MAL2: variants seen among roughly 807,000 people sequenced by gnomAD.
The protein encoded by MAL2 is mal, T cell differentiation protein 2.
In MAL2, 17 loss-of-function variants were observed where a neutral mutation model predicts 18.1. The ratio of observed to expected loss-of-function variants is 0.94; its 90% CI spans 0.64 to 1.41. The LOEUF (loss-of-function observed/expected upper bound fraction) is 1.41. Ranked by LOEUF, MAL2 falls within the 40% of genes most tolerant of loss-of-function variation. The pLI is 0.00. For synonymous variants in MAL2, 102 were observed against 102.3 expected, an observed-to-expected ratio of 1.00 and a Z score of 0.02; for missense variants, 222 against 231.9, an observed-to-expected ratio of 0.96 and a Z score of 0.28.
Position 119,214,733 on chromosome 8 carries a change from A to C in MAL2, c.132+6129A>C, listed in dbSNP as rs1013057657. Reference sequence around the variant, plus strand: ...GGGGAGGAAGAAAGTATAACTCTCTATAGCACTCTCAGACATATTTTTAAA... The same window carrying C: ...GGGGAGGAAGAAAGTATAACTCTCTCTAGCACTCTCAGACATATTTTTAAA... On this transcript the variant is annotated intron_variant, in intron 1 of 3. Transcript: ENST00000614891. 2.0e-5 allele frequency among the ~76,000 whole-genome samples: 3 copies of C among 152,228 alleles called. 1 individual carries two copies. The highest frequency in any genetic ancestry group is 4.8e-5 in the African/African-American group (2 of 41,458).
intron 1 of MAL2, chr8:119,220,961 G>A (rs1216038235): frequency 1.3e-5 from 2 of 152,236 alleles, no homozygotes; most frequent in African/African-American, 4.8e-5. Flanking sequence ...ACCTGGCATA[G>A]TGCCTGAAAT....
At chr8:119,232,976 T>A in intron 2 of MAL2, among the ~76,000 whole-genome samples, 1 of 147,688 alleles carries the variant, frequency 6.8e-6, no homozygotes, top group East Asian at 2.0e-4. Context: ...TTTCTGATCT[T>A]TTACATTTGC....
chr8:119,242,692 G>A (rs1376347678), intron 3 of MAL2, among the ~76,000 whole-genome samples: 1 of 152,082 alleles, frequency 6.6e-6, no homozygotes. Context: ...CCCAGAACTG[G>A]TTTCCTGGTT....
intron 2 of MAL2, among the ~76,000 whole-genome samples, chr8:119,230,597 G>A (rs1289210371): frequency 6.6e-6 from 1 of 152,162 alleles, no homozygotes; most frequent in Non-Finnish European, 1.5e-5. Context: ...GTATGTAATG[G>A]TAGAGAAATT....
intron 2 of MAL2, among the ~76,000 whole-genome samples, chr8:119,234,856 G>A (rs1817840569): frequency 6.6e-6 from 1 of 151,586 alleles, no homozygotes; most frequent in South Asian, 2.1e-4. Flanking sequence ...ACAAAGATGG[G>A]GAAAAAACAG....
chr8:119,237,780 G>C (rs1391144353), intron 2 of MAL2, among the ~76,000 whole-genome samples: 1 of 151,672 alleles, frequency 6.6e-6, no homozygotes, highest in African/African-American at 2.4e-5. Flanking sequence ...GTACTGATGG[G>C]ACGTATTTCA....
intron 3 of MAL2, 26 bp downstream of exon 3, chr8:119,240,346 C>T (rs781280399): frequency 3.1e-6 from 5 of 1,604,920 alleles, no homozygotes; most frequent in Non-Finnish European, 4.3e-6. Context: ...CAATGAGTAC[C>T]ATTCACCAGC....
intron 2 of MAL2, among the ~76,000 whole-genome samples, chr8:119,235,599 C>G: frequency 6.6e-6 from 1 of 152,050 alleles, no homozygotes; most frequent in Non-Finnish European, 1.5e-5. Context: ...CAGCGGGTCT[C>G]TTGGCAGAAA....
At chr8:119,234,572 G>A (rs1817830988) in intron 2 of MAL2, among the ~76,000 whole-genome samples, 1 of 152,104 alleles carries the variant, frequency 6.6e-6, no homozygotes, top group Non-Finnish European at 1.5e-5. Flanking sequence ...TGACAGCTTT[G>A]AAGAGAGCAG....
At chr8:119,232,731 TAAA>T (rs1817759721) in intron 2 of MAL2, among the ~76,000 whole-genome samples, 1 of 152,218 alleles carries the variant, frequency 6.6e-6, no homozygotes, top group East Asian at 1.9e-4. Flanking sequence ...ATAACCATAA[TAAA>T]AAGATGTTAT....
intron 2 of MAL2, among the ~76,000 whole-genome samples, chr8:119,235,055 CT>C (rs1272603689): frequency 2.0e-5 from 3 of 151,242 alleles, no homozygotes; most frequent in Non-Finnish European, 4.4e-5. Context: ...AAGTTGAAAA[CT>C]TTGAAAAAAA....
In MAL2 at chr8:119,230,265, G is replaced by A. The variant is rs148215680; in HGVS notation, c.303+8508G>A. Reference sequence around the variant, plus strand: ...TAACACCAAGAGTATATATGACCCTGGCTGGATAGGATGACCCAAGCATAT... The same window carrying A: ...TAACACCAAGAGTATATATGACCCTAGCTGGATAGGATGACCCAAGCATAT... On this transcript the variant is annotated intron_variant, in intron 2 of 3. Transcript: ENST00000614891. 2.8e-3 allele frequency among the ~76,000 whole-genome samples: 430 copies of A among 152,260 alleles called. 1 individual carries two copies. Among genetic ancestry groups the A allele is most frequent in the African/African-American group, 9.7e-3 (405 of 41,546 alleles).
At chr8:119,230,238 C>G (rs1304204963) in intron 2 of MAL2, among the ~76,000 whole-genome samples, 1 of 152,150 alleles carries the variant, frequency 6.6e-6, no homozygotes, top group Non-Finnish European at 1.5e-5. Flanking sequence ...TGTACTTTCT[C>G]CTAACACCAA....
Position 119,243,690 on chromosome 8 carries a change from T to G in MAL2, c.*202T>G. 2.5e-6 allele frequency: 1 copy of G among 399,908 alleles called. No homozygotes were observed. Among genetic ancestry groups the G allele is most frequent in the Non-Finnish European group, 4.4e-6 (1 of 226,508 alleles). The allele number at this position is 399,908 out of a possible 1,614,324, so 24.8% of individuals were successfully genotyped here. A position where few individuals can be genotyped will look rare whatever the true frequency, so the allele number is the denominator to read the frequency against. On this transcript the variant is annotated 3_prime_UTR_variant, in exon 4 of 4. Transcript: ENST00000614891. Reference sequence around the variant, plus strand: ...TGATATTAAAGAAATGGCCTTTTATTTTACATCTCTCCCCTTTTTCCCTTT... The same window carrying G: ...TGATATTAAAGAAATGGCCTTTTATGTTACATCTCTCCCCTTTTTCCCTTT...
At chr8:119,241,837 CCA>C (rs2129927770) in intron 3 of MAL2, among the ~76,000 whole-genome samples, 1 of 152,074 alleles carries the variant, frequency 6.6e-6, no homozygotes, top group Non-Finnish European at 1.5e-5. Flanking sequence ...ACCTAAAACC[CCA>C]ATAAATCTAG....
Position 119,208,714 on chromosome 8 carries a change from G to T in MAL2, c.132+110G>T. The stretch of plus-strand genomic sequence containing the variant: ...GTCCGCCCCCGGCCTCCTTCCCTTC[G>T]ACGTGGCTTTGTCCTGCGCTCCCTC... On this transcript the variant is annotated intron_variant, in intron 1 of 3. Transcript: ENST00000614891. This position sits in a 1 kb window ranked among gnomAD's most constrained non-coding sequence, Gnocchi z 4.3. The T allele has an allele frequency of 8.2e-7, 1 of 1,212,332 alleles. No individual in the cohort carries two copies. 75.1% of individuals were successfully genotyped at this position (1,212,332 alleles called of 1,614,324 possible).
At chr8:119,220,442 A>G (rs1817444752) in intron 1 of MAL2, among the ~76,000 whole-genome samples, 1 of 152,094 alleles carries the variant, frequency 6.6e-6, no homozygotes, top group African/African-American at 2.4e-5. Flanking sequence ...CTCACCATCC[A>G]CCCTTTCCTC....
Position 119,243,509 on chromosome 8 carries a change from T to C in MAL2, c.*21T>C. 6.4e-7 allele frequency: 1 copy of C among 1,566,500 alleles called. No individual in the cohort carries two copies. The highest frequency in any genetic ancestry group is 8.7e-7 in the Non-Finnish European group (1 of 1,153,948). The stretch of plus-strand genomic sequence containing the variant: ...CGTAACACTCCTTAGAAACTGGCAG[T>C]CGTATGTTAGTTTCACTTGTCTACT... On this transcript the variant is annotated 3_prime_UTR_variant, in exon 4 of 4. Coordinates refer to ENST00000614891, the MANE Select transcript of MAL2 (RefSeq NM_052886.3).
rs944538210 is a variant in MAL2 at position 119,244,298 on chromosome 8, T to G, written c.*810T>G. The G allele has an allele frequency of 1.3e-5, 2 of 152,130 alleles. No homozygotes were observed. Among genetic ancestry groups the G allele is most frequent in the African/African-American group, 4.8e-5 (2 of 41,410 alleles). The allele number at this position is 152,130 out of a possible 1,614,324, so 9.4% of individuals were successfully genotyped here. ...CTTACCTTTGGAGAATACTTACCTT[T>G]GGAGGAATGTATAAAATTTCTCAGG... On this transcript the variant is annotated 3_prime_UTR_variant, in exon 4 of 4. Transcript: ENST00000614891.
Sources: gnomAD v4.1 joint callset for allele counts (sites outside exome capture counted in the v4.1 genomes callset) on GRCh38, gnomAD v4.1.1 for gene constraint, Gnocchi (gnomAD v3.1) non-coding constraint, MANE v1.5 for transcripts, NCBI Gene and HGNC (gene_info 2026-07-23, HGNC 2026-07-21) for gene names.